The following SHROOM4 variants were observed in gnomAD, a reference collection of about 807,000 sequenced individuals.
SHROOM4 encodes protein Shroom4.
SHROOM4 carries 17 observed loss-of-function variants against 80.3 expected under a neutral mutation model. The observed-to-expected ratio is 0.21, with a 90% CI of 0.14 to 0.32. The LOEUF (loss-of-function observed/expected upper bound fraction) is 0.32. Among genes scored for constraint, SHROOM4 ranks in the 10% least tolerant of loss-of-function variants. SHROOM4 has a pLI of 1.00. For missense variants in SHROOM4, 993 were observed against 1,140.3 expected (o/e 0.87, Z 1.86); for synonymous variants, 400 against 437.5 (o/e 0.91, Z 1.07).
At chrX:50,682,589 T>C (rs1932966659) in intron 2 of SHROOM4, among the ~76,000 whole-genome samples, 1 of 111,428 alleles carries the variant, frequency 9.0e-6, no homozygotes, top group African/African-American at 3.3e-5. Flanking sequence ...AAGGGTGTTG[T>C]TTATGGGAGG....
intron 5 of SHROOM4, among the ~76,000 whole-genome samples, chrX:50,623,932 G>A (rs782454910): frequency 9.6e-6 from 1 of 104,070 alleles, no homozygotes; most frequent in African/African-American, 3.5e-5. Context: ...CATATTGTGC[G>A]ATTAGAGTCA....
intron 4 of SHROOM4, among the ~76,000 whole-genome samples, chrX:50,627,925 T>C (rs1316619676): frequency 8.9e-6 from 1 of 112,011 alleles, no homozygotes; most frequent in Non-Finnish European, 1.9e-5. Flanking sequence ...CTAGGAATGC[T>C]GTTTCCCTCT....
At chrX:50,696,214 A>T (rs782500493) in intron 1 of SHROOM4, among the ~76,000 whole-genome samples, 1 of 111,839 alleles carries the variant, frequency 8.9e-6, no homozygotes, top group African/African-American at 3.2e-5. Context: ...TACGAAACTG[A>T]TGCTTGGAAT....
At chrX:50,646,980 T>G (rs1189454450) in intron 2 of SHROOM4, among the ~76,000 whole-genome samples, 1 of 111,401 alleles carries the variant, frequency 9.0e-6, no homozygotes, top group African/African-American at 3.3e-5. Context: ...ATTTCTCCAT[T>G]TTCACATTGA....
At chrX:50,770,434 C>CAGA (rs2147650512) in intron 1 of SHROOM4, among the ~76,000 whole-genome samples, 1 of 111,923 alleles carries the variant, frequency 8.9e-6, no homozygotes, top group East Asian at 2.8e-4. Context: ...TACTGTGTTT[C>CAGA]AAGGCAGCAG....
chrX:50,717,166 T>C (rs1933977049), intron 1 of SHROOM4, among the ~76,000 whole-genome samples: 1 of 111,880 alleles, frequency 8.9e-6, no homozygotes. Context: ...GAGGATTTCC[T>C]GAAATGAAAG....
chrX:50,607,740 C>T lies in SHROOM4; in HGVS notation c.3402G>A (p.Glu1134=), dbSNP rs868971423. ...QQQQQKQQEE[E]EEEEEEEEEE... The stretch of plus-strand genomic sequence containing the variant: ...CTTCTTCTTCTTCTTCCTCCTCCTC[C>T]TCCTCCTCCTGTTGCTTCTGCTGCT... The change falls in exon 6 of 9, where the codon GAG becomes GAA. Residue 1134 remains glutamate, a synonymous_variant. Coordinates refer to ENST00000376020, the MANE Select transcript of SHROOM4 (RefSeq NM_020717.5). The T allele has an allele frequency of 8.4e-7, 1 of 1,184,847 alleles. No individual in the cohort carries two copies. Among genetic ancestry groups the T allele is most frequent in the Non-Finnish European group, 1.1e-6 (1 of 881,660 alleles).
At chrX:50,720,409 T>G (rs992073887) in intron 1 of SHROOM4, among the ~76,000 whole-genome samples, 1 of 111,964 alleles carries the variant, frequency 8.9e-6, no homozygotes, top group African/African-American at 3.2e-5. Context: ...GCTCAGAAAC[T>G]CCTCCTTAGA....
rs1557273738 is a variant in SHROOM4, at chrX:50,813,890, G to T, written c.117+12C>A. 8.7e-7 allele frequency: 1 copy of T among 1,149,589 alleles called. No homozygotes were observed. Among genetic ancestry groups the T allele is most frequent in the Non-Finnish European group, 1.2e-6 (1 of 840,383 alleles). 94.7% of individuals were successfully genotyped at this position (1,149,589 alleles called of 1,213,427 possible). A position where few individuals can be genotyped will look rare whatever the true frequency, so the allele number is the denominator to read the frequency against. ...GTTAGGCGCCGTTAGGACATCAGCC[G>T]CCAGTTCTTACCTTAGACACTGTGA... On this transcript the variant is annotated intron_variant, in intron 1 of 8. Transcript: ENST00000376020.
At chrX:50,576,524 C>T in the SHROOM4 span, among the ~76,000 whole-genome samples, 1 of 111,442 alleles carries the variant, frequency 9.0e-6, no homozygotes, top group Non-Finnish European at 1.9e-5. Flanking sequence ...GAGTTTATGT[C>T]CTCTTGTCTG....
chrX:50,654,886 C>T (rs1557259311), intron 2 of SHROOM4, among the ~76,000 whole-genome samples: 1 of 106,359 alleles, frequency 9.4e-6, no homozygotes. Flanking sequence ...ATCCCAACAC[C>T]TGGGTACTAA....
intron 5 of SHROOM4, among the ~76,000 whole-genome samples, chrX:50,621,338 T>C (rs7883515): frequency 0.4 from 44,093 of 110,429 alleles, 6,803 homozygotes; most frequent in African/African-American, 0.55. Flanking sequence ...ATAATTGTTG[T>C]TTTATGATAC....
chrX:50,811,049 C>T (rs1478331335), intron 1 of SHROOM4, among the ~76,000 whole-genome samples: 2 of 111,976 alleles, frequency 1.8e-5, no homozygotes, highest in East Asian at 2.8e-4. Context: ...TGGTGGCTCA[C>T]GCCTGTAATC....
intron 1 of SHROOM4, among the ~76,000 whole-genome samples, chrX:50,788,882 A>G (rs1251719246): frequency 8.9e-6 from 1 of 111,835 alleles, no homozygotes; most frequent in Non-Finnish European, 1.9e-5. Context: ...CTACACTTAT[A>G]TCAGACAAAA....
chrX:50,737,878 A>G (rs781812317), intron 1 of SHROOM4, among the ~76,000 whole-genome samples: 2 of 111,729 alleles, frequency 1.8e-5, no homozygotes, highest in South Asian at 7.5e-4. Flanking sequence ...ACAACAAAAA[A>G]AGAGAATTTT....
the SHROOM4 span, among the ~76,000 whole-genome samples, chrX:50,579,097 G>A: frequency 2.7e-5 from 3 of 112,072 alleles, no homozygotes; most frequent in Admixed American, 9.5e-5. Context: ...AGAGAAAAAT[G>A]TAGATACTGA....
At chrX:50,651,931 C>T (rs1557258900) in intron 2 of SHROOM4, among the ~76,000 whole-genome samples, 2 of 111,680 alleles carry the variant, frequency 1.8e-5, no homozygotes, top group East Asian at 2.8e-4. Context: ...TTTATGGCTG[C>T]ATAGTATTCC....
chrX:50,586,516 ACTTTTAAG>A (rs1928762840), downstream of SHROOM4, among the ~76,000 whole-genome samples: 1 of 46,704 alleles, frequency 2.1e-5, no homozygotes, highest in South Asian at 1.7e-3. Context: ...TATTGAAGAA[ACTTTTAAG>A]CAGTTTACAA....
At position 50,591,205 on chromosome X, in the gene SHROOM4, C is replaced by T. The variant is rs1928868278; in HGVS notation, c.*5490G>A. ...TGGGACCCTTGTTGAAATTAACTAA[C>T]CATATACATGAGGATTTATTTCTGG... On this transcript the variant is annotated 3_prime_UTR_variant, in exon 9 of 9. Transcript: ENST00000376020. Among the ~76,000 whole-genome samples the T allele has an allele frequency of 8.9e-6, 1 of 112,036 alleles. No homozygotes were observed. The highest frequency in any genetic ancestry group is 3.2e-5 in the African/African-American group (1 of 30,834).
Sources: gnomAD v4.1 joint callset for allele counts (sites outside exome capture counted in the v4.1 genomes callset) on GRCh38, gnomAD v4.1.1 for gene constraint, MANE v1.5 for transcripts, NCBI Gene and HGNC (gene_info 2026-07-23, HGNC 2026-07-21) for gene names.